Variants in RBMS2 observed in about 807,000 individuals in gnomAD.
The protein encoded by RBMS2 is RNA binding motif single stranded interacting protein 2, also known as RNA-binding motif, single-stranded-interacting protein 2.
A neutral mutation model predicts 58.4 loss-of-function variants in RBMS2; 38 were observed. That is an observed-to-expected ratio of 0.65 (90% CI 0.50 to 0.85). The LOEUF (loss-of-function observed/expected upper bound fraction) is 0.85, where lower values mean the gene tolerates loss of function less well. RBMS2 is among the 40% of genes least tolerant of loss of function. The probability of loss-of-function intolerance (pLI) is 0.00; values close to 1 mark genes in which losing one functional copy is unlikely to be tolerated. For missense variants in RBMS2, 367 were observed against 503.7 expected (o/e 0.73, Z 2.60); for synonymous variants, 151 against 180.7 (o/e 0.84, Z 1.32).
chr12:56,569,752 G>A (rs557964687), intron 3 of RBMS2, 147 bp from the exon 4 acceptor site: 2 of 708,932 alleles, frequency 2.8e-6, no homozygotes, highest in African/African-American at 3.6e-5. Flanking sequence ...GGAGCATGTG[G>A]ATAACTACCT....
At position 56,587,610 on chromosome 12, in the gene RBMS2, G is replaced by A. The variant is rs1195340347; in HGVS notation, c.1008G>A (p.Met336Ile). 1.2e-6 allele frequency: 2 copies of A among 1,614,046 alleles called. No homozygotes were observed. Among genetic ancestry groups the A allele is most frequent in the South Asian group, 1.1e-5 (1 of 91,070 alleles). ...DHPISLQPAS[M>I]MGPLTQQLGH... is the part of the protein sequence containing the mutation. Reference sequence around the variant, plus strand: ...CCATTTCTCTCCAGCCTGCCTCCATGATGGGACCCCTTACCCAGCAACTGG... The same window carrying A: ...CCATTTCTCTCCAGCCTGCCTCCATAATGGGACCCCTTACCCAGCAACTGG... The change falls in exon 11 of 14, where the codon ATG becomes ATA. Residue 336 changes from methionine (M) to isoleucine (I), a missense_variant. Coordinates refer to ENST00000262031, the MANE Select transcript of RBMS2 (RefSeq NM_002898.4).
chr12:56,529,788 T>C (rs1873366064), intron 1 of RBMS2, among the ~76,000 whole-genome samples: 1 of 152,198 alleles, frequency 6.6e-6, no homozygotes, highest in African/African-American at 2.4e-5. Context: ...AGTGGTTGCC[T>C]AGGGCTTAGT....
chr12:56,564,931 G>A (rs1881077588), intron 2 of RBMS2, among the ~76,000 whole-genome samples: 2 of 152,072 alleles, frequency 1.3e-5, no homozygotes, highest in African/African-American at 2.4e-5. Flanking sequence ...CCGAGATCAC[G>A]CCACCAGAAA....
At chr12:56,572,065 T>G (rs946756212) in intron 5 of RBMS2, among the ~76,000 whole-genome samples, 7 of 152,110 alleles carry the variant, frequency 4.6e-5, no homozygotes, top group Middle Eastern at 6.8e-3. Context: ...AAGGCAGGCA[T>G]ATCACCTGAG....
chr12:56,577,035 CAAAAAAAA>C (rs60298708), intron 5 of RBMS2, among the ~76,000 whole-genome samples: 2 of 63,636 alleles, frequency 3.1e-5, no homozygotes, highest in South Asian at 4.7e-4. Context: ...AGTGAGATTC[CAAAAAAAA>C]AAAAAAAAAA....
Position 56,589,265 on chromosome 12 carries a change from T to C in RBMS2, c.*132T>C. The C allele has an allele frequency of 6.9e-7, 1 of 1,445,504 alleles. No homozygotes were observed. The highest frequency in any genetic ancestry group is 1.4e-5 in the African/African-American group (1 of 71,000). 89.5% of individuals were successfully genotyped at this position (1,445,504 alleles called of 1,614,324 possible). On this transcript the variant is annotated 3_prime_UTR_variant, in exon 14 of 14. Coordinates refer to ENST00000262031, the MANE Select transcript of RBMS2 (RefSeq NM_002898.4). Reference sequence around the variant, plus strand: ...CCTGCTAAGGACTAACACTTAGCCATCGTTTTTCACAGGCCTGGGCCTGGA... The same window carrying C: ...CCTGCTAAGGACTAACACTTAGCCACCGTTTTTCACAGGCCTGGGCCTGGA...
intron 4 of RBMS2, 120 bp downstream of exon 4, chr12:56,570,110 G>T: frequency 1.1e-6 from 1 of 874,050 alleles, no homozygotes; most frequent in Non-Finnish European, 1.8e-6. Flanking sequence ...GGCTATCCGT[G>T]GTGCTTTCTA....
chr12:56,581,613 A>G, intron 7 of RBMS2, 105 bp downstream of exon 7: 1 of 1,265,272 alleles, frequency 7.9e-7, no homozygotes, highest in South Asian at 1.3e-5. Flanking sequence ...TGAGAGCTAC[A>G]GTACGTAATT....
chr12:56,576,097 GGAGGCC>G (rs1309526312), intron 5 of RBMS2, among the ~76,000 whole-genome samples: 1 of 151,992 alleles, frequency 6.6e-6, no homozygotes, highest in Admixed American at 6.6e-5. Flanking sequence ...CAACACTTTG[GGAGGCC>G]GAGGCGAGCA....
In RBMS2 at chr12:56,528,821, T is replaced by C. The variant is rs536282854; in HGVS notation, c.66+6732T>C. On this transcript the variant is annotated intron_variant, in intron 1 of 13. Transcript: ENST00000262031. ...ATACACCTGTAGTCCTAGCTATTCA[T>C]ACTTGGAAGGCTGAGGTGGGAGGAT... 2.6e-5 allele frequency among the ~76,000 whole-genome samples: 4 copies of C among 152,182 alleles called. No individual in the cohort carries two copies. The East Asian group carries it at 7.7e-4, about 29-fold the overall frequency.
At chr12:56,561,746 A>T (rs1215244899) in intron 1 of RBMS2, among the ~76,000 whole-genome samples, 1 of 86,588 alleles carries the variant, frequency 1.2e-5, no homozygotes, top group East Asian at 3.4e-4. Flanking sequence ...TGAACTCCTG[A>T]CCTCGTGATC....
chr12:56,586,961 C>T (rs1342249973), intron 10 of RBMS2, 35 bp downstream of exon 10: 2 of 1,583,652 alleles, frequency 1.3e-6, no homozygotes, highest in East Asian at 4.5e-5. Context: ...GCCAAAGAGG[C>T]AATTTGATGT....
At chr12:56,572,803 C>T (rs1565769866) in intron 5 of RBMS2, 1 of 985,186 alleles carries the variant, frequency 1.0e-6, no homozygotes, top group East Asian at 1.1e-4. Flanking sequence ...TGTTGGGAGA[C>T]CTGTATTCCA....
chr12:56,565,302 G>T (rs1327134954), intron 2 of RBMS2, among the ~76,000 whole-genome samples: 2 of 152,044 alleles, frequency 1.3e-5, no homozygotes, highest in African/African-American at 4.8e-5. Context: ...TCGGGACTTG[G>T]GTATTTGGTG....
intron 1 of RBMS2, among the ~76,000 whole-genome samples, chr12:56,533,430 T>TTTTTTTTTTTTC (rs1874171666): frequency 7.3e-6 from 1 of 136,062 alleles, no homozygotes; most frequent in African/African-American, 3.0e-5. Context: ...TTTTTTTTTT[T>TTTTTTTTTTTTC]TTTGAGACGG....
chr12:56,574,577 G>A (rs184607090), intron 5 of RBMS2, among the ~76,000 whole-genome samples: 4 of 152,244 alleles, frequency 2.6e-5, no homozygotes, highest in Non-Finnish European at 4.4e-5. Flanking sequence ...AATAACCCTC[G>A]TTGTGACCCT....
chr12:56,571,929 C>G (rs1882356925), intron 5 of RBMS2, 74 bp downstream of exon 5: 1 of 1,301,516 alleles, frequency 7.7e-7, no homozygotes, highest in Non-Finnish European at 1.0e-6. Context: ...AAAACAAAAT[C>G]TATGCCTTTC....
chr12:56,526,166 G>T (rs915220972), intron 1 of RBMS2, among the ~76,000 whole-genome samples: 1 of 151,690 alleles, frequency 6.6e-6, no homozygotes, highest in Admixed American at 6.6e-5. Context: ...AATTAGCCGG[G>T]TATGGTGGTG....
intron 1 of RBMS2, among the ~76,000 whole-genome samples, chr12:56,523,814 A>G (rs540242233): frequency 6.6e-6 from 1 of 152,344 alleles, no homozygotes; most frequent in South Asian, 2.1e-4. Context: ...ATATATGTTT[A>G]TATGTACATA....
Sources: gnomAD v4.1 joint callset for allele counts (sites outside exome capture counted in the v4.1 genomes callset) on GRCh38, gnomAD v4.1.1 for gene constraint, MANE v1.5 for transcripts, NCBI Gene and HGNC (gene_info 2026-07-23, HGNC 2026-07-21) for gene names.